Variants in LARP7 observed in about 807,000 individuals in gnomAD.
LARP7 encodes the protein La ribonucleoprotein 7, transcriptional regulator, also known as la-related protein 7.
A neutral mutation model predicts 69.3 loss-of-function variants in LARP7; 52 were observed. That is an observed-to-expected ratio of 0.75 (90% CI 0.60 to 0.95). The LOEUF is 0.95. Among genes scored for constraint, LARP7 ranks in the 40% least tolerant of loss-of-function variants. The pLI is 0.00. For missense variants in LARP7, 733 were observed against 673.0 expected (o/e 1.09, Z -0.99); for synonymous variants, 254 against 215.9 (o/e 1.18, Z -1.55).
At chr4:112,652,302 C>CT (rs1369051000) in intron 10 of LARP7, among the ~76,000 whole-genome samples, 1 of 142,884 alleles carries the variant, frequency 7.0e-6, no homozygotes, top group Admixed American at 6.9e-5. Context: ...TTCCCCCCCC[C>CT]CCCCATTTAG....
chr4:112,648,274 TAGAA>T (rs2048461053), intron 8 of LARP7: 2 of 528,668 alleles, frequency 3.8e-6, no homozygotes, highest in Non-Finnish European at 3.9e-6. Flanking sequence ...TGGAAAAAGT[TAGAA>T]TCCTTTAACC....
At position 112,647,503 on chromosome 4, in the gene LARP7, G is replaced by A. The variant is rs777508785; in HGVS notation, c.951G>A (p.Gln317=). The part of the protein sequence containing the change: ...APRSKVKKII[Q]KDIIKEASEA... ...GATCAAAAGTAAAGAAAATTATTCAGAAAGACATCATTAAGGAAGCATCAG... is the reference window on the plus strand; with the variant it reads ...GATCAAAAGTAAAGAAAATTATTCAAAAAGACATCATTAAGGAAGCATCAG... The change falls in exon 7 of 13, where the codon CAG becomes CAA. Residue 317 remains glutamine (Q), a synonymous_variant. Coordinates refer to ENST00000344442, the MANE Select transcript of LARP7 (RefSeq NM_016648.4). 1 of 1,613,128 alleles carries A rather than the reference G, an allele frequency of 6.2e-7. No homozygotes were observed. Among genetic ancestry groups the A allele is most frequent in the South Asian group, 1.1e-5 (1 of 90,850 alleles).
Position 112,646,436 on chromosome 4 carries a change from T to C in LARP7, c.288T>C (p.Ser96=). The C allele has an allele frequency of 6.3e-7, 1 of 1,598,252 alleles. No homozygotes were observed. The highest frequency in any genetic ancestry group is 8.6e-7 in the Non-Finnish European group (1 of 1,167,292). The change falls in exon 3 of 13, where the codon AGT becomes AGC. Residue 96 remains serine, a synonymous_variant. Transcript: ENST00000344442. ...AGTTAATTGCCAGAGCATTGAGAAG[T>C]TCAGCTGTTGTAGAGGTAAGAATCA... ...DGKLIARALR[S]SAVVELDLEG... is the part of the protein sequence containing the mutation.
intron 1 of LARP7, 53 bp from the exon 2 acceptor site, chr4:112,644,615 T>C: frequency 7.5e-7 from 1 of 1,330,680 alleles, no homozygotes; most frequent in African/African-American, 1.5e-5. Flanking sequence ...TATTTAACTA[T>C]ATTAGCTATT....
chr4:112,642,027 A>G (rs1361218691), intron 1 of LARP7, among the ~76,000 whole-genome samples: 9 of 152,198 alleles, frequency 5.9e-5, no homozygotes, highest in African/African-American at 2.2e-4. Context: ...GGTAGGGTGA[A>G]AGGAAATTGA....
chr4:112,646,506 GTTAACGTAAT>G, intron 3 of LARP7, 55 bp downstream of exon 3: 4 of 1,278,002 alleles, frequency 3.1e-6, no homozygotes, highest in Non-Finnish European at 4.3e-6. Context: ...TATAAAGAAT[GTTAACGTAAT>G]GATTATTATA....
At chr4:112,648,359 G>C (rs1488879946) in intron 8 of LARP7, 2 of 534,332 alleles carry the variant, frequency 3.7e-6, no homozygotes, top group East Asian at 1.1e-4. Flanking sequence ...CTGGCTTGGA[G>C]ACACCTCCAC....
At chr4:112,645,995 G>T (rs2048194399) in intron 2 of LARP7, among the ~76,000 whole-genome samples, 1 of 134,032 alleles carries the variant, frequency 7.5e-6, no homozygotes, top group Admixed American at 7.2e-5. Flanking sequence ...CCCTCATACA[G>T]TTTTTTTTTG....
intron 8 of LARP7, chr4:112,648,584 T>C (rs545458617): frequency 6.0e-6 from 3 of 503,402 alleles, no homozygotes; most frequent in South Asian, 1.5e-5. Context: ...TTCTTTGGAC[T>C]TCAGAGTATT....
chr4:112,647,638 A>T, intron 7 of LARP7, 52 bp from the exon 8 acceptor site: 1 of 1,496,794 alleles, frequency 6.7e-7, no homozygotes, highest in Non-Finnish European at 8.9e-7. Flanking sequence ...CTTCTGTTTC[A>T]CCCATTTCAC....
intron 10 of LARP7, among the ~76,000 whole-genome samples, chr4:112,650,963 A>G (rs2048703274): frequency 6.6e-6 from 1 of 152,186 alleles, no homozygotes; most frequent in Non-Finnish European, 1.5e-5. Context: ...GTGCCAAAAA[A>G]CCCATACTTC....
At chr4:112,650,634 C>A (rs1472029488) in intron 10 of LARP7, 52 bp downstream of exon 10, 1 of 1,536,804 alleles carries the variant, frequency 6.5e-7, no homozygotes, top group Admixed American at 2.2e-5. Flanking sequence ...CTTATTATTT[C>A]CCTGTGTGAA....
At chr4:112,639,355 G>A (rs574625777) in intron 1 of LARP7, among the ~76,000 whole-genome samples, 3 of 151,628 alleles carry the variant, frequency 2.0e-5, no homozygotes, top group South Asian at 2.1e-4. Context: ...GACTACAGGC[G>A]CCTGCCACCA....
In LARP7 at chr4:112,646,474, GTTTATA is replaced by G. The variant is rs539197890; in HGVS notation, c.303+30_303+35del. On this transcript the variant is annotated intron_variant, in intron 3 of 12. Coordinates refer to ENST00000344442, the MANE Select transcript of LARP7 (RefSeq NM_016648.4). The stretch of plus-strand genomic sequence containing the variant: ...GAGGTAAGAATCAAGAATAACTACT[GTTTATA>G]TTTATAGTTTATAATTATAAAGAAT... 2.4e-4 allele frequency: 330 copies of G among 1,402,392 alleles called. No homozygotes were observed. In the African/African-American group the frequency reaches 3.7e-3, roughly 16 times the overall value. The allele number at this position is 1,402,392 out of a possible 1,614,324, so 86.9% of individuals were successfully genotyped here.
chr4:112,650,312 A>T, intron 9 of LARP7, 149 bp from the exon 10 acceptor site: 1 of 705,050 alleles, frequency 1.4e-6, no homozygotes, highest in East Asian at 2.8e-5. Flanking sequence ...GCAGTATGAC[A>T]TATAACCTTT....
chr4:112,654,405 A>G, intron 12 of LARP7: 1 of 363,078 alleles, frequency 2.8e-6, no homozygotes, highest in Non-Finnish European at 5.1e-6. Context: ...TTAACCAGTG[A>G]TATACTTTAA....
In LARP7 at chr4:112,652,293, T is replaced by TCCCC. The variant is rs58727958; in HGVS notation, c.1417-774_1417-771dup. ...AAAGGGAGGCAAGATAAATAAGATT[T>TCCCC]CCCCCCCCCCCCCATTTAGCAATCT... On this transcript the variant is annotated intron_variant, in intron 10 of 12. Coordinates refer to ENST00000344442, the MANE Select transcript of LARP7 (RefSeq NM_016648.4). 6.2e-5 allele frequency among the ~76,000 whole-genome samples: 6 copies of TCCCC among 97,254 alleles called. No homozygotes were observed. In the East Asian group the frequency reaches 1.5e-3, roughly 25 times the overall value. 63.8% of individuals were successfully genotyped at this position (97,254 alleles called of 152,430 possible). A position where few individuals can be genotyped will look rare whatever the true frequency, so the allele number is the denominator to read the frequency against.
intron 9 of LARP7, chr4:112,650,185 C>G (rs2048655122): frequency 4.0e-6 from 1 of 252,094 alleles, no homozygotes; most frequent in Non-Finnish European, 7.5e-6. Context: ...ATTTACTGTT[C>G]CTTTGTTCAG....
At chr4:112,649,788 TTATTC>T (rs1160231371) in intron 9 of LARP7, 102 bp downstream of exon 9, 42 of 712,782 alleles carry the variant, frequency 5.9e-5, no homozygotes, top group East Asian at 6.4e-5. Flanking sequence ...AAAAACTTGA[TTATTC>T]TATTTCATTA....
Sources: gnomAD v4.1 joint callset for allele counts (sites outside exome capture counted in the v4.1 genomes callset) on GRCh38, gnomAD v4.1.1 for gene constraint, MANE v1.5 for transcripts, NCBI Gene and HGNC (gene_info 2026-07-23, HGNC 2026-07-21) for gene names.